PTPA: variants seen among roughly 807,000 people sequenced by gnomAD.
The protein encoded by PTPA is protein phosphatase 2 phosphatase activator, also known as serine/threonine-protein phosphatase 2A activator.
PTPA carries 13 observed loss-of-function variants against 43.6 expected under a neutral mutation model. The ratio of observed to expected loss-of-function variants is 0.30; its 90% CI spans 0.19 to 0.47. The LOEUF is 0.47. Ranked by LOEUF, PTPA falls within the 20% of genes least tolerant of loss-of-function variation. The pLI, the probability that PTPA is intolerant of heterozygous loss-of-function variation, is 0.99. For synonymous variants in PTPA, 172 were observed against 158.2 expected (o/e 1.09, Z -0.66); for missense variants, 329 against 411.9 (o/e 0.80, Z 1.74).
chr9:129,142,995 G>A, intron 9 of PTPA: 1 of 1,253,766 alleles, frequency 8.0e-7, no homozygotes, highest in Non-Finnish European at 1.1e-6. Context: ...TGATCACTGA[G>A]TGGTGGGAGG....
rs557726468 is a variant in PTPA, at chr9:129,122,862, C to T, written c.130-190C>T. On this transcript the variant is annotated intron_variant, in intron 2 of 9. Coordinates refer to ENST00000393370, the MANE Select transcript of PTPA (RefSeq NM_178000.3). ...CGTGTTGCTGTGGTCACTGTCTTGC[C>T]AGCTTTTCTGGAGGGTAGGGGTCGG... 6.6e-5 allele frequency among the ~76,000 whole-genome samples: 10 copies of T among 152,264 alleles called. 1 individual carries two copies. Among genetic ancestry groups the T allele is most frequent in the African/African-American group, 2.4e-4 (10 of 41,554 alleles).
chr9:129,137,750 G>C (rs1195761264), intron 8 of PTPA, 58 bp downstream of exon 8: 10 of 1,445,466 alleles, frequency 6.9e-6, no homozygotes, highest in Non-Finnish European at 9.6e-6. Context: ...GATGAACCAA[G>C]GCTGGTGGCC....
intron 8 of PTPA, chr9:129,138,197 G>A (rs1267932222): frequency 4.7e-6 from 1 of 211,628 alleles, no homozygotes; most frequent in Admixed American, 5.2e-5. Context: ...GCTGGAGTGG[G>A]AGTGCGCAGG....
upstream of PTPA, chr9:129,111,219 C>A: frequency 8.8e-7 from 1 of 1,137,344 alleles, no homozygotes; most frequent in Non-Finnish European, 1.1e-6. Flanking sequence ...CATGGCTGAG[C>A]ACAACCCAAA....
At position 129,111,634 on chromosome 9, in the gene PTPA, AAGGCCGGCGGGGCC is replaced by A. The variant is rs747138324; in HGVS notation, c.31+11_31+24del. The A allele has an allele frequency of 2.0e-5, 25 of 1,276,714 alleles. No individual in the cohort carries two copies. The East Asian group carries it at 6.9e-4, about 35-fold the overall frequency. The allele number at this position is 1,276,714 out of a possible 1,614,324, so 79.1% of individuals were successfully genotyped here. A position where few individuals can be genotyped will look rare whatever the true frequency, so the allele number is the denominator to read the frequency against. On this transcript the variant is annotated splice_donor_5th_base_variant and intron_variant, in intron 1 of 9. Transcript: ENST00000393370. Reference sequence around the variant, plus strand: ...GGGCGAGCGGCAGCCGCCGCCAGGTAAGGCCGGCGGGGCCAGGCCGGGCCGGGGTCGGGTAGGGT... The same window carrying A: ...GGGCGAGCGGCAGCCGCCGCCAGGTAAGGCCGGGCCGGGGTCGGGTAGGGT...
chr9:129,142,649 C>T (rs1239815146), intron 9 of PTPA, 97 bp downstream of exon 9: 8 of 1,562,152 alleles, frequency 5.1e-6, no homozygotes, highest in Admixed American at 1.9e-5. Context: ...CTCCTGCTTC[C>T]TCCTACCCCA....
At chr9:129,117,934 A>G (rs970434754) in intron 1 of PTPA, among the ~76,000 whole-genome samples, 5 of 151,790 alleles carry the variant, frequency 3.3e-5, no homozygotes, top group African/African-American at 9.7e-5. Flanking sequence ...CCTGACCTCA[A>G]ATGATCCACC....
chr9:129,146,542 G>C (rs951631273), intron 9 of PTPA, among the ~76,000 whole-genome samples: 5 of 152,260 alleles, frequency 3.3e-5, no homozygotes, highest in African/African-American at 1.2e-4. Flanking sequence ...AACATACTCT[G>C]TTTTCTGTGG....
chr9:129,145,325 T>G (rs1851224639), intron 9 of PTPA, among the ~76,000 whole-genome samples: 1 of 148,186 alleles, frequency 6.7e-6, no homozygotes, highest in Admixed American at 6.7e-5. Context: ...CGAGACTCCA[T>G]CTCAGGAAAA....
Position 129,111,648 on chromosome 9 carries a change from C to T in PTPA, c.31+17C>T. 2.4e-6 allele frequency: 3 copies of T among 1,275,764 alleles called. No individual in the cohort carries two copies. The highest frequency in any genetic ancestry group is 3.0e-6 in the Non-Finnish European group (3 of 1,003,370). 79.0% of individuals were successfully genotyped at this position (1,275,764 alleles called of 1,614,324 possible). On this transcript the variant is annotated intron_variant, in intron 1 of 9. Transcript: ENST00000393370. The stretch of plus-strand genomic sequence containing the variant: ...CGCCGCCAGGTAAGGCCGGCGGGGC[C>T]AGGCCGGGCCGGGGTCGGGTAGGGT...
At chr9:129,138,839 ATGGAGCCGGGAC>A (rs1850560907) in intron 8 of PTPA, among the ~76,000 whole-genome samples, 1 of 152,174 alleles carries the variant, frequency 6.6e-6, no homozygotes, top group African/African-American at 2.4e-5. Flanking sequence ...AAGTCAGCAA[ATGGAGCCGGGAC>A]TGACGGCTGG....
At chr9:129,142,248 C>G (rs568921541) in intron 8 of PTPA, 197 bp from the exon 9 acceptor site, 33 of 470,626 alleles carry the variant, frequency 7.0e-5, no homozygotes, top group Admixed American at 2.0e-4. Context: ...GTCTCTGGCA[C>G]TTGCATGTGC....
intron 8 of PTPA, chr9:129,139,502 G>A (rs1850614346): frequency 6.6e-6 from 1 of 152,238 alleles, no homozygotes; most frequent in Admixed American, 6.5e-5. Context: ...TAGACCCTAG[G>A]AGGAGTGTGC....
intron 3 of PTPA, among the ~76,000 whole-genome samples, chr9:129,128,360 A>G (rs1466958882): frequency 6.6e-6 from 1 of 151,928 alleles, no homozygotes; most frequent in African/African-American, 2.4e-5. Context: ...ACATGGAGAA[A>G]CCCCATCTCT....
chr9:129,142,385 G>T, intron 8 of PTPA, 60 bp from the exon 9 acceptor site: 1 of 1,478,138 alleles, frequency 6.8e-7, no homozygotes, highest in African/African-American at 1.4e-5. Context: ...TGCTGCAGGG[G>T]AGGAGGGATG....
chr9:129,121,808 C>T (rs1438237956), intron 2 of PTPA, among the ~76,000 whole-genome samples: 2 of 152,226 alleles, frequency 1.3e-5, no homozygotes. Flanking sequence ...TGCTGCTTCT[C>T]ATCCATGTGT....
intron 1 of PTPA, among the ~76,000 whole-genome samples, chr9:129,117,553 G>A (rs932522143): frequency 1.3e-5 from 2 of 151,788 alleles, no homozygotes; most frequent in South Asian, 2.1e-4. Context: ...ACAGGTGTGC[G>A]CCACCATGCC....
At chr9:129,127,039 C>T (rs1849626631) in intron 3 of PTPA, among the ~76,000 whole-genome samples, 4 of 152,156 alleles carry the variant, frequency 2.6e-5, no homozygotes, top group Admixed American at 2.6e-4. Flanking sequence ...TTAGGTCTGG[C>T]CTGTGCTTAT....
At position 129,142,626 on chromosome 9, in the gene PTPA, G is replaced by A. The variant is rs770157312; in HGVS notation, c.894+74G>A. The A allele has an allele frequency of 5.0e-6, 8 of 1,588,078 alleles. No homozygotes were observed. The South Asian group carries it at 9.0e-5, about 18-fold the overall frequency. On this transcript the variant is annotated intron_variant, in intron 9 of 9. Coordinates refer to ENST00000393370, the MANE Select transcript of PTPA (RefSeq NM_178000.3). ...CTGGGCTGGGGACAAAGCAAAAGAT[G>A]TGGAACCTGGGGCTCCTGCTTCCTC...
Sources: gnomAD v4.1 joint callset for allele counts (sites outside exome capture counted in the v4.1 genomes callset) on GRCh38, gnomAD v4.1.1 for gene constraint, MANE v1.5 for transcripts, NCBI Gene and HGNC (gene_info 2026-07-23, HGNC 2026-07-21) for gene names.